Variants in RARB observed in about 807,000 individuals in gnomAD.
The protein encoded by RARB is retinoic acid receptor beta, also known as HBV-activated protein.
RARB carries 17 observed loss-of-function variants against 51.9 expected under a neutral mutation model. The observed-to-expected ratio is 0.33, with a 90% CI of 0.22 to 0.49. The LOEUF is 0.49. RARB is among the 20% of genes least tolerant of loss of function. The pLI, the probability that RARB is intolerant of heterozygous loss-of-function variation, is 0.99. For synonymous variants in RARB, 215 were observed against 195.4 expected (o/e 1.10, Z -0.84); for missense variants, 369 against 550.8 (o/e 0.67, Z 3.30).
intron 4 of RARB, among the ~76,000 whole-genome samples, chr3:25,148,432 G>T (rs971722618): frequency 7.2e-5 from 11 of 152,200 alleles, no homozygotes; most frequent in African/African-American, 2.7e-4. Flanking sequence ...GGATTCTATT[G>T]AATCAGTGAA....
intron 2 of RARB, among the ~76,000 whole-genome samples, chr3:24,860,805 A>C (rs1239131274): frequency 1.3e-5 from 2 of 152,146 alleles, no homozygotes; most frequent in Non-Finnish European, 2.9e-5. Flanking sequence ...CAGAGAGGTG[A>C]AGTAACTTAT....
chr3:25,104,757 T>G (rs1415732519), intron 3 of RARB, among the ~76,000 whole-genome samples: 1 of 152,182 alleles, frequency 6.6e-6, no homozygotes, highest in African/African-American at 2.4e-5. Flanking sequence ...CCCACAACAG[T>G]AGAACATCAA....
chr3:25,257,527 C>T (rs1702895514), intron 5 of RARB, among the ~76,000 whole-genome samples: 1 of 151,990 alleles, frequency 6.6e-6, no homozygotes, highest in South Asian at 2.1e-4. Flanking sequence ...TAGGGTGGGG[C>T]AGGTTTTGGA....
intron 5 of RARB, among the ~76,000 whole-genome samples, chr3:25,342,938 G>T (rs1156236970): frequency 6.6e-6 from 1 of 151,762 alleles, no homozygotes; most frequent in Non-Finnish European, 1.5e-5. Context: ...AAAAAGAGAT[G>T]CCAGAGCTCA....
intron 2 of RARB, among the ~76,000 whole-genome samples, chr3:24,866,994 C>G (rs954582467): frequency 2.0e-5 from 3 of 151,938 alleles, no homozygotes; most frequent in Admixed American, 6.6e-5. Context: ...ACAGGAGGGT[C>G]TGGAGGTCCA....
chr3:24,895,371 C>T (rs1373921630), intron 2 of RARB, among the ~76,000 whole-genome samples: 1 of 152,156 alleles, frequency 6.6e-6, no homozygotes, highest in East Asian at 1.9e-4. Flanking sequence ...TCAGAATCAC[C>T]TGGAAAGTGG....
At chr3:25,409,688 G>A (rs1245342165) in intron 5 of RARB, among the ~76,000 whole-genome samples, 4 of 152,160 alleles carry the variant, frequency 2.6e-5, no homozygotes, top group African/African-American at 9.7e-5. Flanking sequence ...TTGTGTTGAT[G>A]ACCTCTCTAA....
chr3:25,037,446 C>G (rs1698021095), intron 2 of RARB, among the ~76,000 whole-genome samples: 1 of 152,038 alleles, frequency 6.6e-6, no homozygotes, highest in South Asian at 2.1e-4. Flanking sequence ...TTTGTTCACA[C>G]TGCAATGAGA....
At chr3:25,454,158 C>T (rs1454629011) in intron 1 of RARB, among the ~76,000 whole-genome samples, 1 of 152,176 alleles carries the variant, frequency 6.6e-6, no homozygotes, top group Non-Finnish European at 1.5e-5. Flanking sequence ...AAAATGTCTA[C>T]ACACGAGTTC....
chr3:25,108,726 G>T (rs1699552258), intron 3 of RARB, among the ~76,000 whole-genome samples: 1 of 151,780 alleles, frequency 6.6e-6, no homozygotes, highest in African/African-American at 2.4e-5. Context: ...ATTTTTTCTT[G>T]ATGTTTTTTA....
intron 2 of RARB, among the ~76,000 whole-genome samples, chr3:24,993,800 C>T (rs1317475731): frequency 6.6e-6 from 1 of 152,054 alleles, no homozygotes; most frequent in Non-Finnish European, 1.5e-5. Context: ...ACATATGATC[C>T]TCCAGTTCCA....
chr3:25,142,611 T>A (rs527508119), intron 4 of RARB, among the ~76,000 whole-genome samples: 1 of 151,150 alleles, frequency 6.6e-6, no homozygotes, highest in East Asian at 2.0e-4. Flanking sequence ...TTGGTAAATA[T>A]CCCATCTGTG....
intron 3 of RARB, among the ~76,000 whole-genome samples, chr3:25,078,768 T>A (rs1295539808): frequency 6.6e-6 from 1 of 152,202 alleles, no homozygotes; most frequent in Non-Finnish European, 1.5e-5. Flanking sequence ...CGACCTCAGG[T>A]GATCTGTCCG....
chr3:25,415,093 C>T (rs562337769), intron 5 of RARB, among the ~76,000 whole-genome samples: 19 of 152,282 alleles, frequency 1.2e-4, no homozygotes, highest in East Asian at 9.7e-4. Flanking sequence ...CTACCTGCCT[C>T]GGCCTCCCAA....
intron 4 of RARB, among the ~76,000 whole-genome samples, chr3:25,576,995 T>C (rs936548235): frequency 2.0e-5 from 3 of 152,222 alleles, no homozygotes; most frequent in Admixed American, 6.5e-5. Flanking sequence ...ATAGCTGTGC[T>C]GGAGCTCTTG....
intron 5 of RARB, among the ~76,000 whole-genome samples, chr3:25,389,491 A>G (rs1490511371): frequency 1.3e-5 from 2 of 152,158 alleles, no homozygotes; most frequent in Admixed American, 6.6e-5. Context: ...CAGCAATAGG[A>G]CCAACTCAGC....
chr3:24,972,891 A>C (rs1278473128), intron 2 of RARB, among the ~76,000 whole-genome samples: 1 of 151,894 alleles, frequency 6.6e-6, no homozygotes, highest in African/African-American at 2.4e-5. Flanking sequence ...ATCCCTTGTC[A>C]TATAGTTTGC....
chr3:25,530,372 CGG>C (rs1698850355), intron 3 of RARB, among the ~76,000 whole-genome samples: 1 of 152,184 alleles, frequency 6.6e-6, no homozygotes. Flanking sequence ...GCACATTTAG[CGG>C]CTTGAACTAA....
chr3:24,900,285 GT>G (rs1324839754), intron 2 of RARB, among the ~76,000 whole-genome samples: 1 of 142,962 alleles, frequency 7.0e-6, no homozygotes, highest in Non-Finnish European at 1.5e-5. Context: ...TTTTTCCTTT[GT>G]AAAAAAAAAT....
Sources: gnomAD v4.1 joint callset for allele counts (sites outside exome capture counted in the v4.1 genomes callset) on GRCh38, gnomAD v4.1.1 for gene constraint, MANE v1.5 for transcripts, NCBI Gene and HGNC (gene_info 2026-07-23, HGNC 2026-07-21) for gene names.